PRKRA: variants seen among roughly 807,000 people sequenced by gnomAD.
PRKRA encodes interferon-inducible double-stranded RNA-dependent protein kinase activator A.
PRKRA carries 22 observed loss-of-function variants against 32.4 expected under a neutral mutation model. The observed-to-expected ratio is 0.68, with a 90% CI of 0.49 to 0.97. The LOEUF is 0.97. Ranked by LOEUF, PRKRA falls within the 50% of genes least tolerant of loss-of-function variation. The pLI is 0.00. For missense variants in PRKRA, 319 were observed against 375.6 expected (o/e 0.85, Z 1.25); for synonymous variants, 139 against 129.8 (o/e 1.07, Z -0.48).
intron 4 of PRKRA, 34 bp from the exon 5 acceptor site, chr2:178,443,418 T>G: frequency 7.3e-7 from 1 of 1,361,304 alleles, no homozygotes; most frequent in Non-Finnish European, 1.1e-6. Flanking sequence ...AATAGTAATT[T>G]TATGCAATGG....
At chr2:178,443,654 A>G in intron 4 of PRKRA, 1 of 369,178 alleles carries the variant, frequency 2.7e-6, no homozygotes, top group Non-Finnish European at 5.2e-6. Flanking sequence ...ATCAACTAGA[A>G]AAACAGGCTA....
At chr2:178,433,192 C>T (rs1016533706) in intron 7 of PRKRA, among the ~76,000 whole-genome samples, 1 of 152,110 alleles carries the variant, frequency 6.6e-6, no homozygotes, top group Admixed American at 6.5e-5. Context: ...ATCAGAACTT[C>T]GTTTCTTTTT....
At chr2:178,437,392 C>T (rs189446386) in intron 6 of PRKRA, among the ~76,000 whole-genome samples, 2,194 of 137,034 alleles carry the variant, frequency 0.016, 23 homozygotes, top group South Asian at 0.027. Flanking sequence ...TGCAAGCACA[C>T]ACAATCTTTT....
At chr2:178,440,480 TAGCTATTCCATA>T (rs1429514362) in intron 6 of PRKRA, among the ~76,000 whole-genome samples, 6 of 152,220 alleles carry the variant, frequency 3.9e-5, no homozygotes, top group South Asian at 2.1e-4. Context: ...TATATTCACT[TAGCTATTCCATA>T]AGCTATTCCA....
chr2:178,448,558 C>A (rs947608080), intron 2 of PRKRA, among the ~76,000 whole-genome samples: 8 of 151,988 alleles, frequency 5.3e-5, no homozygotes, highest in African/African-American at 1.9e-4. Flanking sequence ...TGCCACTGCA[C>A]TCTAGCCTGG....
At chr2:178,450,639 A>C (rs1697557202) in intron 1 of PRKRA, 1 of 1,446,852 alleles carries the variant, frequency 6.9e-7, no homozygotes, top group Non-Finnish European at 9.0e-7. Flanking sequence ...GAGCACTTGA[A>C]TGCGGGTAGG....
rs1369422271 is a variant in PRKRA, at chr2:178,444,499, A to G, written c.319T>C (p.Phe107Leu). ...NILKANASIC[F>L]AVPDPLMPDP... is the part of the protein sequence containing the mutation. ...GGCATTAAGGGGTCAGGAACTGCAA[A>G]GCTAAATATTTTTTAAAAGTGTTAT... The change falls in exon 4 of 8, where the codon TTT becomes CTT. Residue 107 changes from phenylalanine to leucine, a missense_variant and splice_region_variant. Transcript: ENST00000325748. 4.4e-6 allele frequency: 7 copies of G among 1,580,950 alleles called. No homozygotes were observed. Among genetic ancestry groups the G allele is most frequent in the South Asian group, 3.3e-5 (3 of 90,360 alleles).
intron 6 of PRKRA, chr2:178,439,107 T>C (rs1697019781): frequency 6.6e-6 from 1 of 152,246 alleles, no homozygotes; most frequent in Non-Finnish European, 1.5e-5. Context: ...TTTATTTTCA[T>C]ATAGCCTATC....
At chr2:178,437,210 TA>T (rs1361059235) in intron 6 of PRKRA, among the ~76,000 whole-genome samples, 2 of 152,196 alleles carry the variant, frequency 1.3e-5, no homozygotes, top group Non-Finnish European at 2.9e-5. Flanking sequence ...ATACTGTTTT[TA>T]AATAAAGAAC....
intron 2 of PRKRA, among the ~76,000 whole-genome samples, chr2:178,448,878 C>T (rs1458477396): frequency 6.6e-6 from 1 of 152,072 alleles, no homozygotes; most frequent in Non-Finnish European, 1.5e-5. Context: ...GATTGTGGAG[C>T]CTTTACATAG....
rs564273987 is a variant in PRKRA, at chr2:178,442,417, T to A, written c.515-713A>T. On this transcript the variant is annotated intron_variant, in intron 5 of 7. Coordinates refer to ENST00000325748, the MANE Select transcript of PRKRA (RefSeq NM_003690.5). ...GATCTTCTCTAAACTGACGATTATA[T>A]GAAATTCCTTTTAACAGGAATAAGA... 4.6e-5 allele frequency among the ~76,000 whole-genome samples: 7 copies of A among 152,312 alleles called. No homozygotes were observed. The East Asian group carries it at 1.4e-3, about 29-fold the overall frequency.
chr2:178,444,465 G>C lies in PRKRA; in HGVS notation c.353C>G (p.Ser118Cys). The change falls in exon 4 of 8, where the codon TCC (serine) becomes TGC (cysteine). Residue 118 changes from serine to cysteine, a missense_variant. Ser to Cys is a moderately radical substitution (Grantham distance 112, BLOSUM62 -1). Transcript: ENST00000325748. ...AVPDPLMPDP[S>C]KQPKNQLNPI... is the part of the protein sequence containing the mutation. ...ATTAAGCTGGTTCTTTGGTTGCTTG[G>C]AAGGGTCAGGCATTAAGGGGTCAGG... 6.2e-7 allele frequency: 1 copy of C among 1,607,244 alleles called. No homozygotes were observed. The highest frequency in any genetic ancestry group is 1.1e-5 in the South Asian group (1 of 90,896).
intron 1 of PRKRA, 165 bp from the exon 2 acceptor site, chr2:178,450,576 C>A: frequency 6.6e-7 from 1 of 1,505,198 alleles, no homozygotes; most frequent in East Asian, 2.3e-5. Flanking sequence ...CTTCCGGCCC[C>A]GCTGCGGCAG....
chr2:178,436,037 A>G, intron 7 of PRKRA, 108 bp downstream of exon 7: 1 of 788,250 alleles, frequency 1.3e-6, no homozygotes, highest in Non-Finnish European at 1.8e-6. Context: ...TCCCTGATCA[A>G]TAAAATAAAT....
rs189979808 is a variant in PRKRA, at chr2:178,450,244, G to T, written c.233C>A (p.Thr78Lys). The change falls in exon 2 of 8, where the codon ACA becomes AAA. Residue 78 changes from threonine to lysine, a missense_variant and splice_region_variant. Thr to Lys is a moderately conservative substitution (Grantham distance 78). Coordinates refer to ENST00000325748, the MANE Select transcript of PRKRA (RefSeq NM_003690.5). ...CCAGGTTAACTGTGTATACAGACCT[G>T]TGCAGGTTATGTCACCAACGGTTAC... ...FRVTVGDITC[T>K]GEGTSKKLAK... 2.0e-5 allele frequency: 33 copies of T among 1,614,260 alleles called. No homozygotes were observed. In the Admixed American group the frequency reaches 3.3e-4, roughly 16 times the overall value.
At chr2:178,437,017 CAT>C (rs533410113) in intron 6 of PRKRA, among the ~76,000 whole-genome samples, 93 of 152,126 alleles carry the variant, frequency 6.1e-4, no homozygotes, top group Non-Finnish European at 1.1e-3. Context: ...AAATTGCTTT[CAT>C]ATGCCATTAA....
intron 2 of PRKRA, among the ~76,000 whole-genome samples, chr2:178,448,397 T>C (rs1697400383): frequency 6.6e-6 from 1 of 152,202 alleles, no homozygotes; most frequent in Non-Finnish European, 1.5e-5. Context: ...ACACAGGTAT[T>C]AGGGATATAG....
chr2:178,446,929 C>A (rs955009550), intron 3 of PRKRA, among the ~76,000 whole-genome samples: 4 of 137,302 alleles, frequency 2.9e-5, no homozygotes, highest in Non-Finnish European at 1.5e-5. Flanking sequence ...GGAGGCGGAG[C>A]TTGCAGTGAG....
chr2:178,443,702 A>G (rs1052886015), intron 4 of PRKRA: 3 of 269,134 alleles, frequency 1.1e-5, no homozygotes, highest in Non-Finnish European at 2.2e-5. Context: ...GAGACCATCT[A>G]CAGGTTTCAC....
Sources: allele counts gnomAD v4.1 joint callset (sites outside exome capture counted in the v4.1 genomes callset), GRCh38; gene constraint gnomAD v4.1.1; transcripts MANE v1.5; gene names NCBI Gene and HGNC (gene_info 2026-07-23, HGNC 2026-07-21).